USP10: variants seen among roughly 807,000 people sequenced by gnomAD.
The protein encoded by USP10 is ubiquitin specific peptidase 10.
A neutral mutation model predicts 84.5 loss-of-function variants in USP10; 22 were observed. That is an observed-to-expected ratio of 0.26 (90% CI 0.19 to 0.37). The LOEUF (loss-of-function observed/expected upper bound fraction) is 0.37. Ranked by LOEUF, USP10 falls within the 10% of genes least tolerant of loss-of-function variation. The pLI is 1.00. For synonymous variants in USP10, 454 were observed against 387.6 expected, an observed-to-expected ratio of 1.17 and a Z score of -2.01; for missense variants, 1,019 against 998.9, an observed-to-expected ratio of 1.02 and a Z score of -0.27.
At chr16:84,703,429 G>C (rs952009373) in intron 1 of USP10, among the ~76,000 whole-genome samples, 1 of 152,160 alleles carries the variant, frequency 6.6e-6, no homozygotes, top group African/African-American at 2.4e-5. Context: ...TTTTTAGCTT[G>C]TAATAGCAGA....
intron 1 of USP10, among the ~76,000 whole-genome samples, chr16:84,700,778 C>A (rs1451150548): frequency 6.6e-6 from 1 of 152,182 alleles, no homozygotes; most frequent in Non-Finnish European, 1.5e-5. Context: ...ACAACTAACG[C>A]ACCCTGCCTG....
At chr16:84,767,691 G>C (rs1023545042) in intron 10 of USP10, among the ~76,000 whole-genome samples, 3 of 152,230 alleles carry the variant, frequency 2.0e-5, no homozygotes, top group Non-Finnish European at 1.5e-5. Context: ...TTTTCTTCCA[G>C]AGCACTGGCG....
At chr16:84,755,401 C>T (rs192211677) in intron 4 of USP10, among the ~76,000 whole-genome samples, 12 of 151,958 alleles carry the variant, frequency 7.9e-5, no homozygotes, top group South Asian at 2.1e-4. Flanking sequence ...CTTCCTCAGC[C>T]CGGCTTCTGG....
chr16:84,732,396 T>G (rs1395192774), intron 1 of USP10: 1 of 387,174 alleles, frequency 2.6e-6, no homozygotes, highest in Non-Finnish European at 5.0e-6. Context: ...GAATCATTGC[T>G]TCTCCGTTGT....
At chr16:84,775,332 C>T (rs967231601) in intron 13 of USP10, 107 bp downstream of exon 13, 8 of 1,112,846 alleles carry the variant, frequency 7.2e-6, no homozygotes, top group Non-Finnish European at 1.1e-5. Flanking sequence ...ATGCTGTACT[C>T]AGGTATCCCT....
At chr16:84,768,414 A>G in intron 11 of USP10, 56 bp downstream of exon 11, 2 of 1,438,596 alleles carry the variant, frequency 1.4e-6, no homozygotes, top group East Asian at 2.4e-5. Context: ...TTTGGTGGAA[A>G]GAACACAAAA....
intron 8 of USP10, among the ~76,000 whole-genome samples, chr16:84,760,693 G>A (rs557447525): frequency 1.6e-4 from 25 of 152,224 alleles, no homozygotes; most frequent in African/African-American, 5.5e-4. Flanking sequence ...GGCTTTAGTA[G>A]CTATTTGATG....
chr16:84,752,507 G>A (rs573466081), intron 4 of USP10, among the ~76,000 whole-genome samples: 4 of 152,318 alleles, frequency 2.6e-5, no homozygotes, highest in East Asian at 1.9e-4. Context: ...ATTGGAATGC[G>A]TATTGGACTT....
intron 2 of USP10, among the ~76,000 whole-genome samples, chr16:84,736,583 G>T (rs1009911431): frequency 1.3e-5 from 2 of 152,190 alleles, no homozygotes; most frequent in East Asian, 3.8e-4. Context: ...AACCTCAGTC[G>T]TAATCCTGTT....
chr16:84,746,705 T>C (rs892261657), intron 4 of USP10, among the ~76,000 whole-genome samples: 2 of 152,208 alleles, frequency 1.3e-5, no homozygotes, highest in African/African-American at 4.8e-5. Context: ...AGGACAGTAC[T>C]GAGCAAAGCC....
At chr16:84,770,322 G>GT (rs1003761471) in intron 11 of USP10, among the ~76,000 whole-genome samples, 35 of 151,078 alleles carry the variant, frequency 2.3e-4, no homozygotes, top group Middle Eastern at 3.4e-3. Flanking sequence ...TCTTGAATGT[G>GT]TTTTTTTTTA....
chr16:84,764,939 A>AAATATATATATAT (rs370383030), intron 10 of USP10, among the ~76,000 whole-genome samples: 193 of 132,242 alleles, frequency 1.5e-3, no homozygotes, highest in African/African-American at 4.2e-3. Flanking sequence ...GAGAAAAAAA[A>AAATATATATATAT]ATATATATAT....
At chr16:84,729,045 G>T (rs957458694) in intron 1 of USP10, among the ~76,000 whole-genome samples, 2 of 152,028 alleles carry the variant, frequency 1.3e-5, no homozygotes, top group Admixed American at 1.3e-4. Flanking sequence ...TGATCTGCTC[G>T]CCTCGGCTTC....
intron 8 of USP10, among the ~76,000 whole-genome samples, chr16:84,761,519 C>G (rs1456869399): frequency 6.6e-6 from 1 of 152,194 alleles, no homozygotes; most frequent in Admixed American, 6.5e-5. Context: ...AACTTCCAGA[C>G]TCCTCTCCCA....
chr16:84,710,735 G>T (rs1259971472), intron 1 of USP10, among the ~76,000 whole-genome samples: 1 of 152,160 alleles, frequency 6.6e-6, no homozygotes, highest in Non-Finnish European at 1.5e-5. Context: ...TTAGGTTTGT[G>T]ATCCTCGAGT....
intron 9 of USP10, among the ~76,000 whole-genome samples, 158 bp from the exon 10 acceptor site, chr16:84,763,928 T>G (rs1230427071): frequency 6.6e-6 from 1 of 152,240 alleles, no homozygotes; most frequent in African/African-American, 2.4e-5. Context: ...TGGCCGTGGA[T>G]CCAGTGACGT....
At chr16:84,771,185 A>G (rs1165889186) in intron 11 of USP10, among the ~76,000 whole-genome samples, 1 of 152,256 alleles carries the variant, frequency 6.6e-6, no homozygotes, top group East Asian at 1.9e-4. Context: ...CTTTATTTAA[A>G]AGCAGCATTC....
In USP10 at chr16:84,779,602, T is replaced by C. The variant is rs1409632353; in HGVS notation, c.*520T>C. 1.3e-5 allele frequency: 2 copies of C among 152,978 alleles called. No individual in the cohort carries two copies. The highest frequency in any genetic ancestry group is 3.8e-4 in the East Asian group (2 of 5,208). 9.5% of individuals were successfully genotyped at this position (152,978 alleles called of 1,614,324 possible). A position where few individuals can be genotyped will look rare whatever the true frequency, so the allele number is the denominator to read the frequency against. ...ACATAAAAAATAAGTTGCTGGTTCC[T>C]AACAGGAAAAATTTTAATAATTGTA... is the stretch of plus-strand genomic sequence containing the variant. On this transcript the variant is annotated 3_prime_UTR_variant, in exon 14 of 14. Transcript: ENST00000219473.
At chr16:84,705,965 A>G (rs112538444) in intron 1 of USP10, among the ~76,000 whole-genome samples, 155 of 150,762 alleles carry the variant, frequency 1.0e-3, no homozygotes, top group Middle Eastern at 3.5e-3. Flanking sequence ...CAGGTGATCC[A>G]CCTACCTTGG....
Sources: gnomAD v4.1 joint callset for allele counts (sites outside exome capture counted in the v4.1 genomes callset) on GRCh38, gnomAD v4.1.1 for gene constraint, MANE v1.5 for transcripts, NCBI Gene and HGNC (gene_info 2026-07-23, HGNC 2026-07-21) for gene names.